PIGN: variants seen among roughly 807,000 people sequenced by gnomAD.
PIGN encodes the protein phosphatidylinositol glycan anchor biosynthesis class N, also known as GPI ethanolamine phosphate transferase 1.
PIGN carries 117 observed loss-of-function variants against 125.4 expected under a neutral mutation model. That is an observed-to-expected ratio of 0.93 (90% CI 0.80 to 1.09). The LOEUF (loss-of-function observed/expected upper bound fraction) is 1.09, where lower values mean the gene tolerates loss of function less well. Ranked by LOEUF, PIGN falls within the 50% of genes least tolerant of loss-of-function variation. The pLI, the probability that PIGN is intolerant of heterozygous loss-of-function variation, is 0.00. For synonymous variants in PIGN, 392 were observed against 377.8 expected (o/e 1.04, Z -0.44); for missense variants, 1,075 against 1,094.9 (o/e 0.98, Z 0.26).
intron 23 of PIGN, among the ~76,000 whole-genome samples, chr18:62,034,665 C>T (rs565547739): frequency 6.6e-6 from 1 of 152,276 alleles, no homozygotes; most frequent in Non-Finnish European, 1.5e-5. Context: ...TGCATGGGGC[C>T]TGTAGCTCCT....
intron 30 of PIGN, among the ~76,000 whole-genome samples, chr18:62,057,016 C>T (rs1024731455): frequency 6.6e-6 from 1 of 152,196 alleles, no homozygotes; most frequent in Admixed American, 6.5e-5. Context: ...CTGCACCCTT[C>T]ACCCCATCCG....
intron 28 of PIGN, chr18:62,075,671 T>C (rs1048965349): frequency 1.6e-4 from 24 of 152,260 alleles, no homozygotes; most frequent in African/African-American, 4.8e-4. Flanking sequence ...TTATAAACAT[T>C]TGTGTCTAAT....
In PIGN at chr18:62,042,221, TGAG is replaced by T. The variant is rs2144939651; in HGVS notation, c.*3632_*3634del. 6.6e-6 allele frequency: 1 copy of T among 152,112 alleles called. No homozygotes were observed. The highest frequency in any genetic ancestry group is 6.5e-5 in the Admixed American group (1 of 15,276). The allele number at this position is 152,112 out of a possible 1,614,324, so 9.4% of individuals were successfully genotyped here. ...CTGTAATCCCAGCTACTCAGGAGGC[TGAG>T]GCAGAAGAATCGCTTGAACCAGGGA... On this transcript the variant is annotated 3_prime_UTR_variant, in exon 31 of 31. Coordinates refer to ENST00000640252, the MANE Select transcript of PIGN (RefSeq NM_176787.5).
intron 28 of PIGN, among the ~76,000 whole-genome samples, chr18:62,077,851 G>A (rs763478883): frequency 3.3e-5 from 5 of 152,184 alleles, no homozygotes; most frequent in Non-Finnish European, 5.9e-5. Context: ...TAGTTCTGGA[G>A]GCTGGAAGTC....
intron 21 of PIGN, among the ~76,000 whole-genome samples, chr18:62,101,805 T>G (rs2034448042): frequency 6.6e-6 from 1 of 152,224 alleles, no homozygotes; most frequent in Non-Finnish European, 1.5e-5. Flanking sequence ...GGTTATTTAT[T>G]TATTTATTCA....
rs959688594 is a variant in PIGN at position 62,061,311 on chromosome 18, A to C, written c.2672+11362T>G. 2.0e-5 allele frequency among the ~76,000 whole-genome samples: 3 copies of C among 152,114 alleles called. No homozygotes were observed. The East Asian group carries it at 5.8e-4, about 29-fold the overall frequency. On this transcript the variant is annotated intron_variant, in intron 30 of 30. Transcript: ENST00000640252. ...CTGAAAATCCATGGCAATCACCACA[A>C]CACTATAAACATTACAGATACATGC... is the stretch of plus-strand genomic sequence containing the variant.
At chr18:62,047,834 G>T (rs2030864807) in intron 30 of PIGN, among the ~76,000 whole-genome samples, 2 of 151,976 alleles carry the variant, frequency 1.3e-5, no homozygotes, top group Non-Finnish European at 2.9e-5. Context: ...AATGAAAAAA[G>T]ACAATTAACT....
chr18:62,100,362 T>C (rs887310904), intron 22 of PIGN, among the ~76,000 whole-genome samples: 3 of 152,194 alleles, frequency 2.0e-5, no homozygotes, highest in Non-Finnish European at 4.4e-5. Context: ...TTGTACATTG[T>C]TGGTGGGAAT....
Position 62,113,006 on chromosome 18 carries a change from A to G in PIGN, c.1434+128T>C, listed in dbSNP as rs980178221. 9 of 672,662 alleles carry G rather than the reference A, an allele frequency of 1.3e-5. No individual in the cohort carries two copies. The African/African-American group carries it at 1.6e-4, about 12-fold the overall frequency. 41.7% of individuals were successfully genotyped at this position (672,662 alleles called of 1,614,324 possible). On this transcript the variant is annotated intron_variant, in intron 16 of 30. Transcript: ENST00000640252. ...AACTGAGGAAAAATCCAATACAATA[A>G]AAGCAAATGAAAGATAAACAAGAGT... is the stretch of plus-strand genomic sequence containing the variant.
intron 23 of PIGN, among the ~76,000 whole-genome samples, chr18:62,093,108 T>G (rs1202355625): frequency 6.6e-6 from 1 of 152,126 alleles, no homozygotes; most frequent in Non-Finnish European, 1.5e-5. Context: ...AAAACAACTG[T>G]TGATTAATTG....
intron 1 of PIGN, among the ~76,000 whole-genome samples, chr18:62,183,731 T>A (rs2037798780): frequency 1.3e-5 from 2 of 152,104 alleles, no homozygotes; most frequent in Non-Finnish European, 1.5e-5. Flanking sequence ...GCTGAATAAA[T>A]TATTTAGAAT....
At chr18:62,097,095 C>A (rs1481212872) in intron 22 of PIGN, among the ~76,000 whole-genome samples, 22 of 149,872 alleles carry the variant, frequency 1.5e-4, no homozygotes, top group African/African-American at 5.4e-4. Context: ...AACTAAAGAG[C>A]TTCTGCACAG....
intron 30 of PIGN, among the ~76,000 whole-genome samples, chr18:62,062,587 GAAGTC>G (rs10580530): frequency 0.3 from 44,794 of 151,682 alleles, 7,765 homozygotes; most frequent in East Asian, 0.58. Context: ...CATAAATCAG[GAAGTC>G]TCCGGGAAAT....
intron 1 of PIGN, among the ~76,000 whole-genome samples, chr18:62,168,010 A>G (rs541830642): frequency 9.6e-4 from 146 of 152,080 alleles, no homozygotes; most frequent in Non-Finnish European, 1.7e-3. Context: ...CCTGACCAAA[A>G]ATGGAGAAAC....
intron 8 of PIGN, 144 bp downstream of exon 8, chr18:62,148,070 T>A (rs2036399531): frequency 1.8e-6 from 1 of 557,030 alleles, no homozygotes; most frequent in African/African-American, 2.0e-5. Flanking sequence ...GGAAATCTCA[T>A]ATAATTGAGA....
At chr18:62,094,530 T>C (rs1034384313) in intron 23 of PIGN, among the ~76,000 whole-genome samples, 21 of 152,160 alleles carry the variant, frequency 1.4e-4, no homozygotes, top group African/African-American at 4.8e-4. Flanking sequence ...AACTTGTGCA[T>C]AGTTGAATTC....
intron 22 of PIGN, 22 bp downstream of exon 22, chr18:62,101,053 C>A: frequency 1.6e-6 from 2 of 1,255,396 alleles, no homozygotes; most frequent in Non-Finnish European, 2.3e-6. Context: ...AATTACCTCA[C>A]CTGGTTTGAG....
chr18:62,090,490 A>G lies in PIGN; in HGVS notation c.2269T>C (p.Cys757Arg), dbSNP rs1228997937. 1 of 1,603,536 alleles carries G rather than the reference A, an allele frequency of 6.2e-7. No homozygotes were observed. The highest frequency in any genetic ancestry group is 1.3e-5 in the African/African-American group (1 of 74,594). The change falls in exon 24 of 31, where the codon TGC becomes CGC. Residue 757 changes from cysteine (C) to arginine (R), a missense_variant. Transcript: ENST00000640252. Reference protein sequence around the residue: ...EQETLQQSGVCCKQKLTSIQF... With the variant: ...EQETLQQSGVRCKQKLTSIQF... ...TGACCAGCTACCTTTTGTTTACAGCAAACACCAGATTGTTGTAGAGTTTCT... is the reference window on the plus strand; with the variant it reads ...TGACCAGCTACCTTTTGTTTACAGCGAACACCAGATTGTTGTAGAGTTTCT...
intron 1 of PIGN, among the ~76,000 whole-genome samples, chr18:62,177,727 A>G (rs536507585): frequency 4.6e-5 from 7 of 152,228 alleles, no homozygotes; most frequent in South Asian, 2.1e-4. Flanking sequence ...TTTCCAAACT[A>G]TTTTTGCAAA....
Sources: allele counts gnomAD v4.1 joint callset (sites outside exome capture counted in the v4.1 genomes callset), GRCh38; gene constraint gnomAD v4.1.1; transcripts MANE v1.5; gene names NCBI Gene and HGNC (gene_info 2026-07-23, HGNC 2026-07-21).